The following CDK13 variants were observed in gnomAD, a reference collection of about 807,000 sequenced individuals.
The protein encoded by CDK13 is cyclin dependent kinase 13.
Under a neutral mutation model 137.6 loss-of-function variants are expected in CDK13, and 40 were observed. The ratio of observed to expected loss-of-function variants is 0.29; its 90% CI spans 0.23 to 0.38. The LOEUF (loss-of-function observed/expected upper bound fraction) is 0.38, where lower values mean the gene tolerates loss of function less well. Among genes scored for constraint, CDK13 ranks in the 10% least tolerant of loss-of-function variants. The pLI is 1.00. For missense variants in CDK13, 1,704 were observed against 1,951.8 expected, an observed-to-expected ratio of 0.87 and a Z score of 2.39; for synonymous variants, 869 against 760.1, an observed-to-expected ratio of 1.14 and a Z score of -2.36.
At chr7:39,989,972 C>CG (rs538854190) in intron 2 of CDK13, among the ~76,000 whole-genome samples, 260 of 152,028 alleles carry the variant, frequency 1.7e-3, no homozygotes, top group African/African-American at 5.9e-3. Flanking sequence ...TTAGTAGAGA[C>CG]GGGGGGCTTC....
chr7:39,961,995 C>T (rs995856993), intron 1 of CDK13, among the ~76,000 whole-genome samples: 3 of 152,186 alleles, frequency 2.0e-5, no homozygotes, highest in Non-Finnish European at 4.4e-5. Flanking sequence ...CATAGTATTC[C>T]ATGGTGTATA....
intron 1 of CDK13, among the ~76,000 whole-genome samples, chr7:39,968,538 C>T (rs906174744): frequency 6.6e-6 from 1 of 152,310 alleles, no homozygotes. Context: ...GTGCCTCACT[C>T]CCATCACCAT....
intron 5 of CDK13, among the ~76,000 whole-genome samples, chr7:40,016,149 T>TA (rs1464401455): frequency 3.3e-5 from 5 of 152,232 alleles, no homozygotes; most frequent in African/African-American, 1.2e-4. Context: ...AGATACTTGT[T>TA]ACGTTGCTGT....
chr7:40,091,290 G>A (rs1786916615), intron 12 of CDK13, among the ~76,000 whole-genome samples: 1 of 152,154 alleles, frequency 6.6e-6, no homozygotes, highest in Admixed American at 6.5e-5. Context: ...GGAGCTTGCA[G>A]TGAGCCGAGA....
At chr7:40,021,114 T>TACACACACACAC (rs1261518119) in intron 5 of CDK13, among the ~76,000 whole-genome samples, 4 of 94,688 alleles carry the variant, frequency 4.2e-5, no homozygotes, top group African/African-American at 1.6e-4. Context: ...TATATATATA[T>TACACACACACAC]ATATATATAC....
intron 1 of CDK13, among the ~76,000 whole-genome samples, chr7:39,958,318 T>C (rs1787488384): frequency 6.6e-6 from 1 of 152,196 alleles, no homozygotes; most frequent in Non-Finnish European, 1.5e-5. Context: ...TTAAATTATT[T>C]CACCTTTCTT....
intron 5 of CDK13, among the ~76,000 whole-genome samples, chr7:40,008,595 A>G (rs568529114): frequency 1.3e-5 from 2 of 152,314 alleles, no homozygotes; most frequent in East Asian, 3.9e-4. Context: ...GAAAAAACTT[A>G]AACAGTAACT....
rs1786186669 is a variant in CDK13 at position 40,062,903 on chromosome 7, C to T, written c.2678C>T (p.Pro893Leu). The T allele has an allele frequency of 6.2e-7, 1 of 1,613,460 alleles. No homozygotes were observed. The highest frequency in any genetic ancestry group is 8.5e-7 in the Non-Finnish European group (1 of 1,179,402). The change falls in exon 8 of 14, where the codon CCA becomes CTA. Residue 893 changes from proline to leucine, a missense_variant. Physicochemically the swap from Pro to Leu is moderately conservative, Grantham distance 98. Coordinates refer to ENST00000181839, the MANE Select transcript of CDK13 (RefSeq NM_003718.5). ...ELLLGEERYT[P>L]AIDVWSCGCI... ...CTACTGGGAGAAGAACGATACACACCAGCCATTGATGTATGGAGCTGTGGG... is the reference window on the plus strand; with the variant it reads ...CTACTGGGAGAAGAACGATACACACTAGCCATTGATGTATGGAGCTGTGGG...
chr7:40,071,700 C>T (rs567728617), intron 9 of CDK13: 1 of 152,060 alleles, frequency 6.6e-6, no homozygotes, highest in Non-Finnish European at 1.5e-5. Flanking sequence ...ATAATTTGTA[C>T]CACCACTGAT....
chr7:39,973,818 C>T (rs770538869), intron 1 of CDK13, among the ~76,000 whole-genome samples: 9 of 152,140 alleles, frequency 5.9e-5, no homozygotes, highest in Admixed American at 5.9e-4. Flanking sequence ...ACAGTTGTCC[C>T]AGCACCATTT....
intron 5 of CDK13, among the ~76,000 whole-genome samples, chr7:40,012,572 C>T (rs1784916853): frequency 6.6e-6 from 1 of 151,944 alleles, no homozygotes; most frequent in South Asian, 2.1e-4. Flanking sequence ...TGCACTTCAG[C>T]CTGGGTGACA....
Position 40,063,107 on chromosome 7 carries a change from T to C in CDK13, c.2780+7T>C, listed in dbSNP as rs1041652282. On this transcript the variant is annotated splice_region_variant and intron_variant, in intron 9 of 13. Transcript: ENST00000181839. ...CACAACTAGAATTAATAAGGTAAGC[T>C]GCTGATTATAATATTGGTGGGAATT... The C allele has an allele frequency of 2.5e-6, 4 of 1,593,236 alleles. No homozygotes were observed. In the African/African-American group the frequency reaches 5.4e-5, roughly 21 times the overall value.
chr7:39,972,963 G>A (rs895725441), intron 1 of CDK13, among the ~76,000 whole-genome samples: 3 of 152,138 alleles, frequency 2.0e-5, no homozygotes, highest in Non-Finnish European at 4.4e-5. Context: ...AACAAGAGTT[G>A]TCTTTTTGAT....
At chr7:40,065,444 A>G (rs1428494827) in intron 9 of CDK13, among the ~76,000 whole-genome samples, 1 of 152,074 alleles carries the variant, frequency 6.6e-6, no homozygotes, top group Non-Finnish European at 1.5e-5. Flanking sequence ...ATACAGTAAC[A>G]CTAATGATAG....
intron 5 of CDK13, among the ~76,000 whole-genome samples, chr7:40,014,735 C>T (rs757693353): frequency 2.0e-5 from 3 of 152,100 alleles, no homozygotes; most frequent in Non-Finnish European, 2.9e-5. Context: ...GGATTACAGG[C>T]GTGTGCCACT....
chr7:40,061,779 T>C (rs1292603857), intron 7 of CDK13: 1 of 152,244 alleles, frequency 6.6e-6, no homozygotes, highest in Non-Finnish European at 1.5e-5. Flanking sequence ...AGCTAGAACG[T>C]GACCATTCTC....
Position 39,962,600 on chromosome 7 carries a change from G to A in CDK13, c.1211+10748G>A, listed in dbSNP as rs373476192. ...TGTAGGTTGCCTGTTCACTCTGATG[G>A]TAGTTTCTTTTGCTGTGTGGAAGCT... On this transcript the variant is annotated intron_variant, in intron 1 of 13. Coordinates refer to ENST00000181839, the MANE Select transcript of CDK13 (RefSeq NM_003718.5). Among the ~76,000 whole-genome samples, 9 of 152,246 alleles carry A rather than the reference G, an allele frequency of 5.9e-5. No homozygotes were observed. In the South Asian group the frequency reaches 1.0e-3, roughly 18 times the overall value.
chr7:39,970,540 A>C (rs1783975567), intron 1 of CDK13, among the ~76,000 whole-genome samples: 1 of 151,136 alleles, frequency 6.6e-6, no homozygotes, highest in African/African-American at 2.4e-5. Flanking sequence ...GGCTCACTGC[A>C]ACCTCCGCCT....
intron 1 of CDK13, among the ~76,000 whole-genome samples, chr7:39,975,910 A>G (rs999694214): frequency 3.9e-5 from 6 of 152,212 alleles, no homozygotes; most frequent in Non-Finnish European, 8.8e-5. Flanking sequence ...TTATGTTTTT[A>G]AAAGACAAAG....
Sources: gnomAD v4.1 joint callset for allele counts (sites outside exome capture counted in the v4.1 genomes callset) on GRCh38, gnomAD v4.1.1 for gene constraint, MANE v1.5 for transcripts, NCBI Gene and HGNC (gene_info 2026-07-23, HGNC 2026-07-21) for gene names.